CRIM1: variants seen among roughly 807,000 people sequenced by gnomAD.
The protein encoded by CRIM1 is cysteine rich transmembrane BMP regulator 1, also known as cysteine-rich motor neuron 1 protein.
A neutral mutation model predicts 116.4 loss-of-function variants in CRIM1; 32 were observed. The ratio of observed to expected loss-of-function variants is 0.27; its 90% CI spans 0.21 to 0.37. The LOEUF (loss-of-function observed/expected upper bound fraction) is 0.37, where lower values mean the gene tolerates loss of function less well. Ranked by LOEUF, CRIM1 falls within the 10% of genes least tolerant of loss-of-function variation. CRIM1 has a pLI of 1.00. For synonymous variants in CRIM1, 590 were observed against 509.2 expected, an observed-to-expected ratio of 1.16 and a Z score of -2.13; for missense variants, 1,331 against 1,354.8, an observed-to-expected ratio of 0.98 and a Z score of 0.28.
intron 8 of CRIM1, among the ~76,000 whole-genome samples, chr2:36,500,015 A>G (rs1333480309): frequency 6.6e-6 from 1 of 152,066 alleles, no homozygotes. Flanking sequence ...TTTACATAAA[A>G]TATGGCCCAC....
intron 1 of CRIM1, among the ~76,000 whole-genome samples, chr2:36,369,613 T>C (rs1390052297): frequency 6.6e-6 from 1 of 152,164 alleles, no homozygotes; most frequent in African/African-American, 2.4e-5. Context: ...TATAGGAACA[T>C]ATGAAATGTT....
At chr2:36,383,194 C>G (rs1267818921) in intron 1 of CRIM1, among the ~76,000 whole-genome samples, 2 of 152,090 alleles carry the variant, frequency 1.3e-5, no homozygotes, top group African/African-American at 4.8e-5. Flanking sequence ...TGATGCATAC[C>G]TGTTATATTT....
At chr2:36,543,760 T>C (rs888499919) in intron 14 of CRIM1, among the ~76,000 whole-genome samples, 1 of 148,914 alleles carries the variant, frequency 6.7e-6, no homozygotes, top group Non-Finnish European at 1.5e-5. Flanking sequence ...TGTTGTAGTA[T>C]AATACCTATC....
At chr2:36,377,050 T>TC (rs1670374829) in intron 1 of CRIM1, among the ~76,000 whole-genome samples, 2 of 152,042 alleles carry the variant, frequency 1.3e-5, no homozygotes. Flanking sequence ...TTCCCTTGCC[T>TC]CCCCCCATGT....
At chr2:36,463,804 C>T (rs746466879) in intron 4 of CRIM1, among the ~76,000 whole-genome samples, 1 of 152,206 alleles carries the variant, frequency 6.6e-6, no homozygotes, top group Non-Finnish European at 1.5e-5. Context: ...GGAACACCCC[C>T]ATTCATGCGT....
chr2:36,487,416 A>G (rs1679903692), intron 7 of CRIM1, among the ~76,000 whole-genome samples: 1 of 152,204 alleles, frequency 6.6e-6, no homozygotes, highest in Non-Finnish European at 1.5e-5. Flanking sequence ...GTCATTCAGA[A>G]TATTTTTGGT....
chr2:36,457,627 T>C (rs575722450), intron 4 of CRIM1, among the ~76,000 whole-genome samples: 1 of 152,172 alleles, frequency 6.6e-6, no homozygotes, highest in South Asian at 2.1e-4. Flanking sequence ...AGTAAATCTC[T>C]TATGGTGAGG....
chr2:36,512,043 C>T (rs1664724376), intron 9 of CRIM1, among the ~76,000 whole-genome samples: 1 of 152,206 alleles, frequency 6.6e-6, no homozygotes, highest in Non-Finnish European at 1.5e-5. Context: ...TTCTGAGAGC[C>T]ACATCCTAGA....
chr2:36,431,817 A>G (rs1210723441), intron 2 of CRIM1, among the ~76,000 whole-genome samples: 1 of 152,230 alleles, frequency 6.6e-6, no homozygotes, highest in African/African-American at 2.4e-5. Flanking sequence ...CTCATTTTAC[A>G]GATGAACACC....
intron 1 of CRIM1, among the ~76,000 whole-genome samples, chr2:36,376,958 G>A (rs1222132811): frequency 6.6e-6 from 1 of 152,174 alleles, no homozygotes; most frequent in Non-Finnish European, 1.5e-5. Flanking sequence ...AATGTAGAGA[G>A]ACAGAGCAGC....
chr2:36,398,629 T>G (rs957208160), intron 2 of CRIM1, among the ~76,000 whole-genome samples: 1 of 152,202 alleles, frequency 6.6e-6, no homozygotes, highest in Non-Finnish European at 1.5e-5. Context: ...TTTTCCAACT[T>G]ATTATTTCAG....
intron 7 of CRIM1, among the ~76,000 whole-genome samples, chr2:36,493,196 G>A (rs1385354634): frequency 1.3e-5 from 2 of 151,982 alleles, no homozygotes; most frequent in Non-Finnish European, 2.9e-5. Context: ...ATTGCTTGAG[G>A]TCAGGAGTTC....
At chr2:36,495,477 T>TTA (rs1455637995) in intron 7 of CRIM1, among the ~76,000 whole-genome samples, 1 of 118,534 alleles carries the variant, frequency 8.4e-6, no homozygotes, top group Admixed American at 8.4e-5. Flanking sequence ...ATTTATTTAT[T>TTA]TTTTTTTTTT....
chr2:36,377,195 C>T (rs1474370848), intron 1 of CRIM1, among the ~76,000 whole-genome samples: 2 of 152,244 alleles, frequency 1.3e-5, no homozygotes, highest in Non-Finnish European at 2.9e-5. Context: ...GCTGGTCTCA[C>T]TCCAGTGCTG....
chr2:36,442,589 G>C (rs757136116), intron 3 of CRIM1, 26 bp from the exon 4 acceptor site: 22 of 1,613,704 alleles, frequency 1.4e-5, no homozygotes, highest in Non-Finnish European at 1.9e-5. Context: ...AACAATAAAC[G>C]GTGCCTCTCT....
intron 7 of CRIM1, among the ~76,000 whole-genome samples, chr2:36,497,193 A>G (rs1388989066): frequency 6.6e-6 from 1 of 151,948 alleles, no homozygotes; most frequent in Non-Finnish European, 1.5e-5. Context: ...TGCTTAAGAC[A>G]TTTCTTTACC....
intron 7 of CRIM1, among the ~76,000 whole-genome samples, chr2:36,495,409 G>C (rs1390919583): frequency 1.3e-5 from 2 of 151,518 alleles, no homozygotes; most frequent in Admixed American, 1.3e-4. Context: ...CTAACTTTTA[G>C]ACAAGCAGAA....
chr2:36,383,300 C>T (rs1363995054), intron 1 of CRIM1, among the ~76,000 whole-genome samples: 2 of 152,084 alleles, frequency 1.3e-5, no homozygotes, highest in African/African-American at 2.4e-5. Flanking sequence ...AAAATTTTTC[C>T]TTGACTGCTA....
intron 2 of CRIM1, among the ~76,000 whole-genome samples, chr2:36,423,890 T>C (rs1674257384): frequency 6.6e-6 from 1 of 152,130 alleles, no homozygotes; most frequent in African/African-American, 2.4e-5. Context: ...ATTTTATAGA[T>C]GAGGAAGCTG....
Sources: allele counts gnomAD v4.1 joint callset (sites outside exome capture counted in the v4.1 genomes callset), GRCh38; gene constraint gnomAD v4.1.1; transcripts MANE v1.5; gene names NCBI Gene and HGNC (gene_info 2026-07-23, HGNC 2026-07-21).